Variants in P2RY14 observed in about 807,000 individuals in gnomAD.
P2RY14 encodes the protein purinergic receptor P2Y14.
Under a neutral mutation model 0.9 loss-of-function variants are expected in P2RY14, and 2 were observed. That is an observed-to-expected ratio of 2.16 (90% confidence interval 0.88 to 6.79). P2RY14 has a LOEUF of 6.79. Among genes scored for constraint, P2RY14 ranks in the 30% most tolerant of loss-of-function variants. P2RY14 has a pLI of 0.05. For missense variants in P2RY14, 378 were observed against 400.1 expected (o/e 0.94, Z 0.47); for synonymous variants, 158 against 147.2 (o/e 1.07, Z -0.53).
At chr3:151,263,795 G>A (rs1739349066) in intron 1 of P2RY14, among the ~76,000 whole-genome samples, 2 of 152,140 alleles carry the variant, frequency 1.3e-5, no homozygotes, top group Non-Finnish European at 2.9e-5. Context: ...GTGACTCTTG[G>A]TAAAATACCT....
chr3:151,269,913 C>T (rs1342864504), intron 1 of P2RY14: 3 of 454,210 alleles, frequency 6.6e-6, no homozygotes, highest in Non-Finnish European at 1.3e-5. Flanking sequence ...CGTTCTGATG[C>T]AGGTGTTGTT....
intron 1 of P2RY14, among the ~76,000 whole-genome samples, chr3:151,224,260 C>T (rs1730024683): frequency 6.6e-6 from 1 of 152,040 alleles, no homozygotes; most frequent in South Asian, 2.1e-4. Flanking sequence ...TCCTTCCTTT[C>T]AGTCCAGACA....
intron 1 of P2RY14, among the ~76,000 whole-genome samples, chr3:151,270,874 C>A (rs1740815784): frequency 6.6e-6 from 1 of 152,164 alleles, no homozygotes; most frequent in South Asian, 2.1e-4. Flanking sequence ...AATTCACATT[C>A]TCTGTTGTAC....
chr3:151,252,381 C>T (rs978174006), intron 1 of P2RY14, among the ~76,000 whole-genome samples: 17 of 152,096 alleles, frequency 1.1e-4, no homozygotes, highest in African/African-American at 4.1e-4. Flanking sequence ...TCTGATTTTT[C>T]ATAGAAAATA....
At chr3:151,227,404 G>A (rs1027178260) in intron 1 of P2RY14, among the ~76,000 whole-genome samples, 1 of 151,898 alleles carries the variant, frequency 6.6e-6, no homozygotes, top group East Asian at 1.9e-4. Context: ...TCTTGATTAT[G>A]TGTGAGAATG....
intron 1 of P2RY14, among the ~76,000 whole-genome samples, chr3:151,221,814 C>A (rs555146119): frequency 1.3e-5 from 2 of 152,336 alleles, no homozygotes; most frequent in South Asian, 2.1e-4. Context: ...GGAGCCCCCA[C>A]ACAGAGTGCC....
intron 1 of P2RY14, among the ~76,000 whole-genome samples, chr3:151,254,642 A>G (rs910209318): frequency 1.8e-4 from 27 of 152,364 alleles, no homozygotes; most frequent in Admixed American, 9.8e-4. Flanking sequence ...GCATTTAGAG[A>G]GAAATGTGAA....
chr3:151,246,917 T>G (rs1344472728), intron 1 of P2RY14, among the ~76,000 whole-genome samples: 37 of 151,782 alleles, frequency 2.4e-4, no homozygotes, highest in Admixed American at 2.4e-3. Flanking sequence ...TGAAACAAAT[T>G]TACAAGAAAA....
intron 1 of P2RY14, among the ~76,000 whole-genome samples, chr3:151,220,272 G>A (rs1173965195): frequency 1.3e-5 from 2 of 151,828 alleles, no homozygotes; most frequent in Non-Finnish European, 2.9e-5. Flanking sequence ...ACACCTGAAA[G>A]CCATGTGGTC....
chr3:151,253,716 C>T (rs897537267), intron 1 of P2RY14, among the ~76,000 whole-genome samples: 4 of 152,008 alleles, frequency 2.6e-5, no homozygotes, highest in Admixed American at 6.6e-5. Flanking sequence ...AGTCATTTGG[C>T]TTGTCTGGGG....
intron 1 of P2RY14, among the ~76,000 whole-genome samples, chr3:151,247,468 T>C (rs541437586): frequency 2.0e-5 from 3 of 151,836 alleles, no homozygotes; most frequent in Middle Eastern, 3.4e-3. Context: ...TGTAGGGACA[T>C]GGATGAAATT....
intron 1 of P2RY14, among the ~76,000 whole-genome samples, chr3:151,237,212 G>C (rs937035634): frequency 2.6e-5 from 4 of 151,206 alleles, no homozygotes; most frequent in African/African-American, 4.9e-5. Flanking sequence ...CTAATTTTTT[G>C]TATTTTTAGT....
intron 1 of P2RY14, among the ~76,000 whole-genome samples, chr3:151,223,858 A>AT (rs1257342716): frequency 1.3e-5 from 2 of 152,152 alleles, no homozygotes; most frequent in African/African-American, 4.8e-5. Flanking sequence ...AGAAAAGAAC[A>AT]TTGCCTACTC....
intron 1 of P2RY14, among the ~76,000 whole-genome samples, chr3:151,268,408 A>G (rs891747526): frequency 5.3e-5 from 8 of 152,184 alleles, no homozygotes; most frequent in African/African-American, 1.9e-4. Context: ...ACTGCTCTCC[A>G]TTTTCTGTGC....
chr3:151,229,281 T>G (rs926531772), intron 1 of P2RY14, among the ~76,000 whole-genome samples: 2 of 151,464 alleles, frequency 1.3e-5, no homozygotes, highest in Non-Finnish European at 2.9e-5. Context: ...CATACTGTGG[T>G]AATAACTTAT....
intron 1 of P2RY14, among the ~76,000 whole-genome samples, chr3:151,265,096 A>G (rs990646288): frequency 6.6e-6 from 1 of 152,162 alleles, no homozygotes; most frequent in Non-Finnish European, 1.5e-5. Flanking sequence ...AGCCTGCTAG[A>G]TTATTCTTCA....
rs1316701997 is a variant in P2RY14, at chr3:151,218,114, A to G, written c.-25+1421T>C. 3.3e-5 allele frequency among the ~76,000 whole-genome samples: 5 copies of G among 152,182 alleles called. No homozygotes were observed. In the East Asian group the frequency reaches 5.8e-4, roughly 18 times the overall value. On this transcript the variant is annotated intron_variant, in intron 2 of 2. Coordinates refer to ENST00000309170, the MANE Select transcript of P2RY14 (RefSeq NM_014879.4). ...CATACAGGGACCTACAGAAACTTCA[A>G]ATCTTTCACAAATGAAGGAAATCGT...
At chr3:151,240,054 T>C (rs1039458932) in intron 1 of P2RY14, among the ~76,000 whole-genome samples, 1 of 150,834 alleles carries the variant, frequency 6.6e-6, no homozygotes, top group African/African-American at 2.4e-5. Flanking sequence ...TTTTTTTGTG[T>C]GTGTGTGTAT....
chr3:151,256,216 T>A (rs1445228225), intron 1 of P2RY14, among the ~76,000 whole-genome samples: 1 of 152,188 alleles, frequency 6.6e-6, no homozygotes, highest in Non-Finnish European at 1.5e-5. Flanking sequence ...TGGAAAGTAT[T>A]TTCAAATTAT....
Sources: allele counts gnomAD v4.1 joint callset (sites outside exome capture counted in the v4.1 genomes callset), GRCh38; gene constraint gnomAD v4.1.1; transcripts MANE v1.5; gene names NCBI Gene and HGNC (gene_info 2026-07-23, HGNC 2026-07-21).